PRDM16: variants seen among roughly 807,000 people sequenced by gnomAD.
PRDM16 encodes the protein histone-lysine N-methyltransferase PRDM16.
Under a neutral mutation model 110.6 loss-of-function variants are expected in PRDM16, and 23 were observed. That is an observed-to-expected ratio of 0.21 (90% CI 0.15 to 0.29). The LOEUF (loss-of-function observed/expected upper bound fraction) is 0.29. PRDM16 is among the 10% of genes least tolerant of loss of function. The pLI, the probability that PRDM16 is intolerant of heterozygous loss-of-function variation, is 1.00. For synonymous variants in PRDM16, 799 were observed against 781.8 expected (o/e 1.02, Z -0.37); for missense variants, 1,615 against 1,794.3 (o/e 0.90, Z 1.81).
intron 2 of PRDM16, among the ~76,000 whole-genome samples, chr1:3,200,675 C>T (rs566420842): frequency 7.2e-5 from 11 of 152,290 alleles, no homozygotes; most frequent in Non-Finnish European, 1.6e-4. Context: ...GGGAGTCCTG[C>T]GTGGGATCTG....
intron 4 of PRDM16, among the ~76,000 whole-genome samples, chr1:3,393,605 C>T (rs1006916746): frequency 1.3e-5 from 2 of 152,204 alleles, no homozygotes; most frequent in Non-Finnish European, 2.9e-5. Flanking sequence ...CGGTTCCCAC[C>T]GCGGCCGGCC....
intron 1 of PRDM16, among the ~76,000 whole-genome samples, chr1:3,082,666 C>G (rs1642057918): frequency 6.6e-6 from 1 of 152,228 alleles, no homozygotes; most frequent in African/African-American, 2.4e-5. Context: ...AACCCCCTCC[C>G]CCAGGATCTG....
intron 3 of PRDM16, among the ~76,000 whole-genome samples, chr1:3,281,548 A>G (rs958931364): frequency 6.6e-6 from 1 of 152,252 alleles, no homozygotes; most frequent in Non-Finnish European, 1.5e-5. Context: ...GATCGGTTTG[A>G]TGTGCTCTGA....
intron 3 of PRDM16, among the ~76,000 whole-genome samples, chr1:3,248,482 G>A (rs925624690): frequency 6.6e-6 from 1 of 152,176 alleles, no homozygotes; most frequent in Non-Finnish European, 1.5e-5. Flanking sequence ...CGCATGGGAG[G>A]GCTAGGCCTG....
chr1:3,350,302 G>A lies in PRDM16; in HGVS notation c.439-34850G>A, dbSNP rs1003865460. Reference sequence around the variant, plus strand: ...GATCACACCACTATACTCCAGCCTGGGCGAGAGAGTGAGACCCTGTCTCAA... The same window carrying A: ...GATCACACCACTATACTCCAGCCTGAGCGAGAGAGTGAGACCCTGTCTCAA... On this transcript the variant is annotated intron_variant, in intron 3 of 16. Transcript: ENST00000270722. The surrounding 1 kb of genome is among the most constrained non-coding windows in gnomAD (Gnocchi z 7.1). Among the ~76,000 whole-genome samples, 1 of 152,142 alleles carries A rather than the reference G, an allele frequency of 6.6e-6. No individual in the cohort carries two copies. Among genetic ancestry groups the A allele is most frequent in the Non-Finnish European group, 1.5e-5 (1 of 68,032 alleles).
intron 2 of PRDM16, among the ~76,000 whole-genome samples, chr1:3,203,268 G>A (rs1557526364): frequency 2.0e-5 from 3 of 152,068 alleles, no homozygotes; most frequent in Admixed American, 1.3e-4. Flanking sequence ...CGCCACAGGT[G>A]GATTTAGTGA....
At chr1:3,420,445 G>A (rs1638395595) in intron 12 of PRDM16, among the ~76,000 whole-genome samples, 1 of 152,234 alleles carries the variant, frequency 6.6e-6, no homozygotes. Flanking sequence ...GCATATGTGT[G>A]TGCCCTGGAG....
chr1:3,095,947 G>A (rs1479724641), intron 1 of PRDM16, among the ~76,000 whole-genome samples: 1 of 152,068 alleles, frequency 6.6e-6, no homozygotes, highest in African/African-American at 2.4e-5. Flanking sequence ...TGGGGCCAGT[G>A]GAACGTCACA....
intron 5 of PRDM16, among the ~76,000 whole-genome samples, chr1:3,400,044 G>A (rs1643441631): frequency 1.3e-5 from 2 of 152,172 alleles, no homozygotes; most frequent in Non-Finnish European, 2.9e-5. Context: ...AGGCCTGAGA[G>A]GGGGTGATGG....
rs916193817 is a variant in PRDM16, at chr1:3,081,443, C to T, written c.37+12147C>T. Among the ~76,000 whole-genome samples the T allele has an allele frequency of 1.3e-5, 2 of 152,204 alleles. No individual in the cohort carries two copies. Among genetic ancestry groups the T allele is most frequent in the Admixed American group, 1.3e-4 (2 of 15,288 alleles). On this transcript the variant is annotated intron_variant, in intron 1 of 16. Coordinates refer to ENST00000270722, the MANE Select transcript of PRDM16 (RefSeq NM_022114.4). This position sits in a 1 kb window ranked among gnomAD's most constrained non-coding sequence, Gnocchi z 4.6. Reference sequence around the variant, plus strand: ...CGGCCGGCCCCTGGAGAGCCCCCTCCTTGTCCCACCAGACCGAGCTGTGGC... The same window carrying T: ...CGGCCGGCCCCTGGAGAGCCCCCTCTTTGTCCCACCAGACCGAGCTGTGGC...
chr1:3,202,756 C>T (rs750603981), intron 2 of PRDM16, among the ~76,000 whole-genome samples: 50 of 152,302 alleles, frequency 3.3e-4, no homozygotes, highest in Middle Eastern at 3.4e-3. Context: ...AAGAGGAGGA[C>T]GGCTCAGGCT....
At chr1:3,267,648 C>T (rs953628823) in intron 3 of PRDM16, among the ~76,000 whole-genome samples, 1 of 152,232 alleles carries the variant, frequency 6.6e-6, no homozygotes, top group Non-Finnish European at 1.5e-5. Flanking sequence ...TGCTCAGAAA[C>T]GAGGAGCGGC....
chr1:3,084,689 T>C (rs760566), intron 1 of PRDM16, among the ~76,000 whole-genome samples: 150,005 of 152,276 alleles, frequency 0.99, 73,889 homozygotes, highest in East Asian at 1. Context: ...AGCGCTTATA[T>C]CTAGGGCTCC....
intron 1 of PRDM16, among the ~76,000 whole-genome samples, chr1:3,134,677 C>T (rs1643401147): frequency 6.6e-6 from 1 of 152,272 alleles, no homozygotes; most frequent in Admixed American, 6.5e-5. Flanking sequence ...CCAGAAAAGT[C>T]AACATCGGCA....
intron 3 of PRDM16, among the ~76,000 whole-genome samples, chr1:3,269,678 G>A (rs776030720): frequency 1.3e-4 from 12 of 92,192 alleles, no homozygotes; most frequent in Non-Finnish European, 2.1e-4. Flanking sequence ...TCCCAGAGTA[G>A]GACAGTTGGG....
chr1:3,161,001 T>TG (rs1245902370), intron 1 of PRDM16, among the ~76,000 whole-genome samples: 1 of 151,998 alleles, frequency 6.6e-6, no homozygotes, highest in East Asian at 1.9e-4. Context: ...GACCCTGAAA[T>TG]GGGGGGAAAA....
In PRDM16 at chr1:3,208,531, T is replaced by G. The variant is rs1638805992; in HGVS notation, c.387+22057T>G. On this transcript the variant is annotated intron_variant, in intron 2 of 16. Coordinates refer to ENST00000270722, the MANE Select transcript of PRDM16 (RefSeq NM_022114.4). The surrounding 1 kb of genome is among the most constrained non-coding windows in gnomAD (Gnocchi z 6.1). ...AAATACAAAAATTAGCTGGACGTGG[T>G]GGTGGGCACCTGTAATCCCAGCTAC... 1 of 152,024 alleles carries G rather than the reference T, an allele frequency of 6.6e-6. No individual in the cohort carries two copies. The highest frequency in any genetic ancestry group is 6.6e-5 in the Admixed American group (1 of 15,266). 9.4% of individuals were successfully genotyped at this position (152,024 alleles called of 1,614,324 possible). A position where few individuals can be genotyped will look rare whatever the true frequency, so the allele number is the denominator to read the frequency against.
chr1:3,220,276 A>T (rs935320672), intron 2 of PRDM16, among the ~76,000 whole-genome samples: 8 of 152,118 alleles, frequency 5.3e-5, no homozygotes, highest in Admixed American at 3.3e-4. Context: ...TGTCCCCAAC[A>T]CCGTGGGGCC....
At chr1:3,229,788 C>G (rs1373321242) in intron 2 of PRDM16, among the ~76,000 whole-genome samples, 1 of 152,162 alleles carries the variant, frequency 6.6e-6, no homozygotes, top group South Asian at 2.1e-4. Context: ...GGCTCATGGA[C>G]AGCAGGCAGG....
Sources: allele counts gnomAD v4.1 joint callset (sites outside exome capture counted in the v4.1 genomes callset), GRCh38; gene constraint gnomAD v4.1.1; non-coding constraint Gnocchi (gnomAD v3.1); transcripts MANE v1.5; gene names NCBI Gene and HGNC (gene_info 2026-07-23, HGNC 2026-07-21).